Variants in CRTC1 observed in about 807,000 individuals in gnomAD.
The protein encoded by CRTC1 is CREB-regulated transcription coactivator 1.
In CRTC1, 18 loss-of-function variants were observed where a neutral mutation model predicts 66.1. That is an observed-to-expected ratio of 0.27 (90% CI 0.19 to 0.40). CRTC1 has a LOEUF of 0.40. CRTC1 is among the 10% of genes least tolerant of loss of function. CRTC1 has a pLI of 1.00. For synonymous variants in CRTC1, 416 were observed against 398.8 expected, an observed-to-expected ratio of 1.04 and a Z score of -0.51; for missense variants, 669 against 887.9, an observed-to-expected ratio of 0.75 and a Z score of 3.13.
intron 5 of CRTC1, 149 bp from the exon 6 acceptor site, chr19:18,753,351 A>G (rs1435015225): frequency 4.0e-5 from 20 of 500,790 alleles, no homozygotes; most frequent in East Asian, 3.1e-4. Flanking sequence ...TTGTGGTTTT[A>G]GTACAGTCCA....
At chr19:18,745,530 G>A (rs1034487012) in intron 2 of CRTC1, among the ~76,000 whole-genome samples, 4 of 152,152 alleles carry the variant, frequency 2.6e-5, no homozygotes, top group African/African-American at 9.7e-5. Flanking sequence ...CCCGGCGGGC[G>A]CTGGCCCCGA....
intron 1 of CRTC1, among the ~76,000 whole-genome samples, chr19:18,688,011 G>A (rs1568473842): frequency 6.6e-6 from 1 of 152,208 alleles, no homozygotes; most frequent in African/African-American, 2.4e-5. Flanking sequence ...TTGGGGCAGC[G>A]CGTTCATTCC....
intron 13 of CRTC1, 136 bp downstream of exon 13, chr19:18,775,957 G>T: frequency 1.1e-6 from 1 of 910,094 alleles, no homozygotes; most frequent in East Asian, 2.8e-5. Context: ...GGGGCCTGAG[G>T]AGGCCACACC....
chr19:18,760,023 C>T lies in CRTC1; in HGVS notation c.681C>T (p.Ala227=), dbSNP rs368748501. Residue 227 remains alanine, a synonymous_variant, in exon 8 of 14, where the codon GCC becomes GCT. Transcript: ENST00000321949. This position sits in a 1 kb window ranked among gnomAD's most constrained non-coding sequence, Gnocchi z 6.2. Reference sequence around the variant, plus strand: ...CTTTTCCCAGCATCTTCCCGTCTGCCGACCAGGAAAACACTACAGCCCTGA... The same window carrying T: ...CTTTTCCCAGCATCTTCCCGTCTGCTGACCAGGAAAACACTACAGCCCTGA... ...EVPGINIFPS[A]DQENTTALIP... The T allele has an allele frequency of 1.9e-4, 297 of 1,587,058 alleles. 5 individuals are homozygous for T. In the South Asian group the frequency reaches 2.6e-3, roughly 14 times the overall value.
chr19:18,753,826 G>A (rs1358953927), intron 6 of CRTC1, among the ~76,000 whole-genome samples: 3 of 152,076 alleles, frequency 2.0e-5, no homozygotes, highest in African/African-American at 7.2e-5. Flanking sequence ...CAGGCTGGGT[G>A]CGGTGGCTCA....
chr19:18,687,827 C>T (rs527991779), intron 1 of CRTC1, among the ~76,000 whole-genome samples: 2 of 151,536 alleles, frequency 1.3e-5, no homozygotes, highest in South Asian at 4.2e-4. Context: ...GGGGACAGGG[C>T]GTAAAGTCGG....
rs181160802 is a variant in CRTC1, at chr19:18,746,798, G to T, written c.382-255G>T. Reference sequence around the variant, plus strand: ...CCCTCCCTTGGAAGGGGTGCAGCCCGCACGTGTGCTCACGGAGCAGAGTGC... The same window carrying T: ...CCCTCCCTTGGAAGGGGTGCAGCCCTCACGTGTGCTCACGGAGCAGAGTGC... On this transcript the variant is annotated intron_variant, in intron 3 of 13. Coordinates refer to ENST00000321949, the MANE Select transcript of CRTC1 (RefSeq NM_015321.3). Among the ~76,000 whole-genome samples the T allele has an allele frequency of 2.7e-3, 417 of 152,286 alleles. 2 individuals are homozygous for T. The highest frequency in any genetic ancestry group is 4.1e-3 in the Non-Finnish European group (276 of 68,008).
chr19:18,720,865 C>CTT (rs977143078), intron 1 of CRTC1, among the ~76,000 whole-genome samples: 4 of 48,276 alleles, frequency 8.3e-5, no homozygotes, highest in African/African-American at 7.6e-4. Flanking sequence ...TGCATGGGGC[C>CTT]CTCTCTGCCC....
chr19:18,726,100 A>G (rs2053746129), intron 1 of CRTC1, among the ~76,000 whole-genome samples: 1 of 152,228 alleles, frequency 6.6e-6, no homozygotes, highest in Non-Finnish European at 1.5e-5. Context: ...CCAGCTGGTG[A>G]TGCAGGAACA....
intron 1 of CRTC1, among the ~76,000 whole-genome samples, chr19:18,733,213 C>T (rs893160001): frequency 6.6e-6 from 1 of 152,174 alleles, no homozygotes; most frequent in Non-Finnish European, 1.5e-5. Context: ...AAGGGTACAG[C>T]TGTGTCTCCC....
intron 1 of CRTC1, among the ~76,000 whole-genome samples, chr19:18,716,352 A>G (rs553549100): frequency 1.1e-4 from 17 of 151,940 alleles, no homozygotes; most frequent in African/African-American, 3.6e-4. Flanking sequence ...TCCCAGGTTC[A>G]AGCAGTTCTC....
In CRTC1 at chr19:18,777,323, C is replaced by G. The variant is rs1463596014; in HGVS notation, c.1846C>G (p.Pro616Ala). ...CGACGGACTGCACATGCTCAACGACCCCGACATGGTTCTGGCCGACCCAGC... is the reference window on the plus strand; with the variant it reads ...CGACGGACTGCACATGCTCAACGACGCCGACATGGTTCTGGCCGACCCAGC... ...TLDGLHMLND[P>A]DMVLADPATE... is the part of the protein sequence containing the mutation. The change falls in exon 14 of 14, where the codon CCC becomes GCC. Residue 616 changes from proline (P) to alanine (A), a missense_variant. By Grantham distance (27) the Pro-to-Ala change is conservative. This residue lies in a region of CRTC1 where 91 missense variants were observed against 99.1 expected (regional missense o/e 0.92). Coordinates refer to ENST00000321949, the MANE Select transcript of CRTC1 (RefSeq NM_015321.3). This position sits in a 1 kb window ranked among gnomAD's most constrained non-coding sequence, Gnocchi z 5.5. The G allele has an allele frequency of 6.2e-7, 1 of 1,610,848 alleles. No homozygotes were observed. The highest frequency in any genetic ancestry group is 1.7e-5 in the Admixed American group (1 of 60,024).
At chr19:18,733,161 T>G (rs548669863) in intron 1 of CRTC1, among the ~76,000 whole-genome samples, 1 of 151,762 alleles carries the variant, frequency 6.6e-6, no homozygotes, top group South Asian at 2.1e-4. Context: ...CTGAGGCCCC[T>G]CCTGTCTTCC....
chr19:18,762,232 C>T (rs2054630320), intron 8 of CRTC1, among the ~76,000 whole-genome samples: 1 of 152,240 alleles, frequency 6.6e-6, no homozygotes, highest in African/African-American at 2.4e-5. Flanking sequence ...AGCTGCGCAC[C>T]TCCAGCAGGC....
chr19:18,719,614 G>A (rs1326850811), intron 1 of CRTC1, among the ~76,000 whole-genome samples: 2 of 152,262 alleles, frequency 1.3e-5, no homozygotes. Context: ...CGTCGAAAGA[G>A]CTGCTCAGAG....
intron 1 of CRTC1, among the ~76,000 whole-genome samples, chr19:18,695,758 G>A (rs1294616674): frequency 1.1e-4 from 16 of 152,128 alleles, no homozygotes; most frequent in Non-Finnish European, 1.8e-4. Context: ...CCAGCTACTC[G>A]GGAGGGTGAG....
intron 11 of CRTC1, 113 bp from the exon 12 acceptor site, chr19:18,774,787 C>T: frequency 3.2e-6 from 3 of 942,558 alleles, no homozygotes; most frequent in Admixed American, 1.9e-5. Flanking sequence ...TCATCAGCCT[C>T]CTGCCGTCTG....
Position 18,768,640 on chromosome 19 carries a change from C to T in CRTC1, c.1167C>T (p.Pro389=), listed in dbSNP as rs746005391. The change falls in exon 10 of 14, where the codon CCC becomes CCT. Residue 389 remains proline, a synonymous_variant. Transcript: ENST00000321949. This position sits in a 1 kb window ranked among gnomAD's most constrained non-coding sequence, Gnocchi z 5.6. ...QPPPPPPPQA[P]VRLPPGGPLL... is the part of the protein sequence containing the mutation. The stretch of plus-strand genomic sequence containing the variant: ...CACCCCCGCCACCCCCACAGGCGCC[C>T]GTCCGCCTGCCCCCTGGTGGCCCCC... The T allele has an allele frequency of 2.3e-5, 35 of 1,529,140 alleles. No individual in the cohort carries two copies. The East Asian group carries it at 3.5e-4, about 15-fold the overall frequency. The allele number at this position is 1,529,140 out of a possible 1,614,324, so 94.7% of individuals were successfully genotyped here. A position where few individuals can be genotyped will look rare whatever the true frequency, so the allele number is the denominator to read the frequency against.
chr19:18,777,078 G>C lies in CRTC1; in HGVS notation c.1694-93G>C. 5 of 730,470 alleles carry C rather than the reference G, an allele frequency of 6.8e-6. No homozygotes were observed. In the South Asian group the frequency reaches 7.9e-5, roughly 12 times the overall value. The allele number at this position is 730,470 out of a possible 1,614,324, so 45.2% of individuals were successfully genotyped here. Reference sequence around the variant, plus strand: ...ACATTGCCAGCATACCCAGGGGACAGAGTCGCCCGGCGGGCATGCCTGGTC... The same window carrying C: ...ACATTGCCAGCATACCCAGGGGACACAGTCGCCCGGCGGGCATGCCTGGTC... On this transcript the variant is annotated intron_variant, in intron 13 of 13. Transcript: ENST00000321949. The surrounding 1 kb of genome is among the most constrained non-coding windows in gnomAD (Gnocchi z 5.5).
Sources: gnomAD v4.1 joint callset for allele counts (sites outside exome capture counted in the v4.1 genomes callset) on GRCh38, gnomAD v4.1.1 for gene constraint, gnomAD v4.1.1 regional missense constraint, Gnocchi (gnomAD v3.1) non-coding constraint, MANE v1.5 for transcripts, NCBI Gene and HGNC (gene_info 2026-07-23, HGNC 2026-07-21) for gene names.